The following PPP1R12A variants were observed in gnomAD, a reference collection of about 807,000 sequenced individuals.
PPP1R12A encodes myosin binding subunit.
Under a neutral mutation model 139.6 loss-of-function variants are expected in PPP1R12A, and 19 were observed. The observed-to-expected ratio is 0.14, with a 90% CI of 0.09 to 0.20. The LOEUF is 0.20. PPP1R12A is among the 10% of genes least tolerant of loss of function. PPP1R12A has a pLI of 1.00. For synonymous variants in PPP1R12A, 427 were observed against 420.6 expected, an observed-to-expected ratio of 1.02 and a Z score of -0.19; for missense variants, 925 against 1,211.5, an observed-to-expected ratio of 0.76 and a Z score of 3.51.
chr12:79,809,680 T>A, intron 10 of PPP1R12A, 115 bp downstream of exon 10: 1 of 731,278 alleles, frequency 1.4e-6, no homozygotes, highest in South Asian at 1.9e-5. Context: ...TCATTAAGGT[T>A]AATTAACTTG....
Position 79,935,070 on chromosome 12 carries a change from C to A in PPP1R12A, c.-139G>T. 1.4e-6 allele frequency: 2 copies of A among 1,407,074 alleles called. No individual in the cohort carries two copies. Among genetic ancestry groups the A allele is most frequent in the Non-Finnish European group, 1.8e-6 (2 of 1,083,026 alleles). The allele number at this position is 1,407,074 out of a possible 1,614,324, so 87.2% of individuals were successfully genotyped here. On this transcript the variant is annotated 5_prime_UTR_variant, in exon 1 of 25. Transcript: ENST00000450142. The stretch of plus-strand genomic sequence containing the variant: ...GGGCTGGGAACCCGGAGCCGACGCT[C>A]GAGACTTCCAGTATCCCACAGAGCA...
intron 2 of PPP1R12A, among the ~76,000 whole-genome samples, chr12:79,870,637 T>C (rs1882474664): frequency 6.6e-6 from 1 of 152,212 alleles, no homozygotes. Flanking sequence ...TCAAACTAAT[T>C]AGATTAGCAA....
intron 1 of PPP1R12A, among the ~76,000 whole-genome samples, chr12:79,900,262 A>G (rs1592795377): frequency 6.6e-6 from 1 of 152,344 alleles, no homozygotes; most frequent in East Asian, 1.9e-4. Context: ...ACTAAAATAC[A>G]AAACATCCTT....
Position 79,778,542 on chromosome 12 carries a change from T to C in PPP1R12A, c.3006+8A>G, listed in dbSNP as rs1208682002. ...CACTCTCTCTCATAAGTAACATAGT[T>C]TACTTACTTTGAGCTCTTCTTCCAT... On this transcript the variant is annotated splice_region_variant and intron_variant, in intron 24 of 24. Transcript: ENST00000450142. 4 of 1,514,796 alleles carry C rather than the reference T, an allele frequency of 2.6e-6. No homozygotes were observed. The highest frequency in any genetic ancestry group is 3.6e-6 in the Non-Finnish European group (4 of 1,121,462). 93.8% of individuals were successfully genotyped at this position (1,514,796 alleles called of 1,614,324 possible). A position where few individuals can be genotyped will look rare whatever the true frequency, so the allele number is the denominator to read the frequency against.
In PPP1R12A at chr12:79,833,670, C is replaced by CA. The variant is rs35159522; in HGVS notation, c.488-1180dup. Reference sequence around the variant, plus strand: ...TGACACCCCGTCTCTACTAAAAATACAAAAAAAAAAAAAAAAATTAGCCAG... The same window carrying CA: ...TGACACCCCGTCTCTACTAAAAATACAAAAAAAAAAAAAAAAAATTAGCCAG... On this transcript the variant is annotated intron_variant, in intron 3 of 24. Transcript: ENST00000450142. 1.5e-3 allele frequency among the ~76,000 whole-genome samples: 204 copies of CA among 133,770 alleles called. 3 individuals are homozygous for CA. The highest frequency in any genetic ancestry group is 9.5e-3 in the East Asian group (43 of 4,508). The allele number at this position is 133,770 out of a possible 152,430, so 87.8% of individuals were successfully genotyped here.
chr12:79,796,163 C>G (rs901558992), intron 17 of PPP1R12A, among the ~76,000 whole-genome samples: 10 of 152,024 alleles, frequency 6.6e-5, no homozygotes, highest in Admixed American at 5.2e-4. Flanking sequence ...CTGATATTAT[C>G]ATGACTAATA....
At chr12:79,886,693 C>T (rs534448575) in intron 1 of PPP1R12A, among the ~76,000 whole-genome samples, 7 of 151,856 alleles carry the variant, frequency 4.6e-5, no homozygotes, top group Admixed American at 1.3e-4. Context: ...AAAAATCTGA[C>T]GAAAACAATT....
rs1238124686 is a variant in PPP1R12A at position 79,808,655 on chromosome 12, G to A, written c.1456-78C>T. Reference sequence around the variant, plus strand: ...GCAATGCTAAAAGTATTAAGAAAAGGTTATTCAATAATTATAATTACATAG... The same window carrying A: ...GCAATGCTAAAAGTATTAAGAAAAGATTATTCAATAATTATAATTACATAG... On this transcript the variant is annotated intron_variant, in intron 10 of 24. Coordinates refer to ENST00000450142, the MANE Select transcript of PPP1R12A (RefSeq NM_002480.3). 7 of 743,802 alleles carry A rather than the reference G, an allele frequency of 9.4e-6. No individual in the cohort carries two copies. The Admixed American group carries it at 9.7e-5, about 10-fold the overall frequency. The allele number at this position is 743,802 out of a possible 1,614,324, so 46.1% of individuals were successfully genotyped here.
In PPP1R12A at chr12:79,820,845, CCTT is replaced by C. The variant is rs756021369; in HGVS notation, c.1040_1042del (p.Glu347del). On this transcript the variant is annotated inframe_deletion, in exon 8 of 25. Coordinates refer to ENST00000450142, the MANE Select transcript of PPP1R12A (RefSeq NM_002480.3). ...AGAGCAGCTAGACTCATCCTTCTTTCCTTCTTCTTCTTCATCAACCTTTTCTTG... is the reference window on the plus strand; with the variant it reads ...AGAGCAGCTAGACTCATCCTTCTTTCCTTCTTCTTCATCAACCTTTTCTTG... 41 of 1,613,446 alleles carry C rather than the reference CCTT, an allele frequency of 2.5e-5. No homozygotes were observed. Among genetic ancestry groups the C allele is most frequent in the Non-Finnish European group, 3.1e-5 (36 of 1,179,774 alleles).
At position 79,775,087 on chromosome 12, in the gene PPP1R12A, A is replaced by AT. The variant is rs1869587394; in HGVS notation, c.*841dup. ...ATGTGGTGGTCTAAAAATCAAAACA[A>AT]TACACTTATTTGTATATACAGCATC... On this transcript the variant is annotated 3_prime_UTR_variant, in exon 25 of 25. Coordinates refer to ENST00000450142, the MANE Select transcript of PPP1R12A (RefSeq NM_002480.3). The AT allele has an allele frequency of 6.6e-6, 1 of 152,568 alleles. No individual in the cohort carries two copies. The highest frequency in any genetic ancestry group is 2.4e-5 in the African/African-American group (1 of 41,454). 9.5% of individuals were successfully genotyped at this position (152,568 alleles called of 1,614,324 possible).
At chr12:79,832,804 A>AT (rs200011991) in intron 3 of PPP1R12A, among the ~76,000 whole-genome samples, 1,507 of 150,222 alleles carry the variant, frequency 0.01, 33 homozygotes, top group African/African-American at 0.035. Context: ...TTTGGGCTAA[A>AT]TTTTTTTTTT....
intron 2 of PPP1R12A, among the ~76,000 whole-genome samples, chr12:79,852,023 G>A (rs1880100810): frequency 6.6e-6 from 1 of 151,744 alleles, no homozygotes; most frequent in African/African-American, 2.4e-5. Context: ...TTTGTTTCAG[G>A]CATGCTCATT....
chr12:79,820,839 T>C lies in PPP1R12A; in HGVS notation c.1049A>G (p.Lys350Arg), dbSNP rs2137113182. 1.9e-6 allele frequency: 3 copies of C among 1,613,668 alleles called. No homozygotes were observed. Among genetic ancestry groups the C allele is most frequent in the Non-Finnish European group, 2.5e-6 (3 of 1,179,794 alleles). Residue 350 changes from lysine (K) to arginine (R), a missense_variant, in exon 8 of 25, where the codon AAG (lysine) becomes AGG (arginine). Physicochemically the swap from Lys to Arg is conservative, Grantham distance 26 (BLOSUM62 2). This residue lies in a region of PPP1R12A where 403 missense variants were observed against 463.7 expected (regional missense o/e 0.87). Transcript: ENST00000450142. The part of the protein sequence containing the change: ...EKVDEEEEGK[K>R]DESSCSSEED... ...TTCACTAGAGCAGCTAGACTCATCC[T>C]TCTTTCCTTCTTCTTCTTCATCAAC...
chr12:79,903,876 C>T (rs1565808122), intron 1 of PPP1R12A, among the ~76,000 whole-genome samples: 2 of 152,122 alleles, frequency 1.3e-5, no homozygotes, highest in Admixed American at 6.5e-5. Context: ...ATTTTTCCCC[C>T]TACTCAGTAA....
At chr12:79,930,590 T>G (rs544345435) in intron 1 of PPP1R12A, among the ~76,000 whole-genome samples, 1 of 152,004 alleles carries the variant, frequency 6.6e-6, no homozygotes, top group Non-Finnish European at 1.5e-5. Flanking sequence ...CTGATCAACA[T>G]AGAGAAACCG....
At chr12:79,915,009 G>C (rs1886881483) in intron 1 of PPP1R12A, among the ~76,000 whole-genome samples, 1 of 151,942 alleles carries the variant, frequency 6.6e-6, no homozygotes, top group African/African-American at 2.4e-5. Flanking sequence ...GGTTCCAATG[G>C]GCTTTTCTTA....
At chr12:79,928,233 T>C (rs1202897584) in intron 1 of PPP1R12A, among the ~76,000 whole-genome samples, 2 of 152,206 alleles carry the variant, frequency 1.3e-5, no homozygotes, top group Non-Finnish European at 2.9e-5. Context: ...AATCATACTG[T>C]AGCTGAGGCA....
intron 1 of PPP1R12A, among the ~76,000 whole-genome samples, chr12:79,890,926 C>T (rs925818640): frequency 3.3e-5 from 5 of 149,508 alleles, no homozygotes; most frequent in African/African-American, 1.2e-4. Flanking sequence ...CACACACACA[C>T]ACACACACAC....
At chr12:79,797,998 G>A (rs1872680117) in intron 15 of PPP1R12A, among the ~76,000 whole-genome samples, 1 of 152,166 alleles carries the variant, frequency 6.6e-6, no homozygotes, top group Admixed American at 6.5e-5. Flanking sequence ...ATGGCAAAAC[G>A]GAGGTAAGGA....
Sources: allele counts gnomAD v4.1 joint callset (sites outside exome capture counted in the v4.1 genomes callset), GRCh38; gene constraint gnomAD v4.1.1; regional missense constraint gnomAD v4.1.1; transcripts MANE v1.5; gene names NCBI Gene and HGNC (gene_info 2026-07-23, HGNC 2026-07-21).